PPP2R2A: variants seen among roughly 807,000 people sequenced by gnomAD.
PPP2R2A encodes serine/threonine-protein phosphatase 2A 55 kDa regulatory subunit B alpha isoform.
In PPP2R2A, 9 loss-of-function variants were observed where a neutral mutation model predicts 53.2. The observed-to-expected ratio is 0.17, with a 90% CI of 0.10 to 0.30. PPP2R2A has a LOEUF of 0.30. Among genes scored for constraint, PPP2R2A ranks in the 10% least tolerant of loss-of-function variants. The probability of loss-of-function intolerance (pLI) is 1.00; values close to 1 mark genes in which losing one functional copy is unlikely to be tolerated. For missense variants in PPP2R2A, 235 were observed against 534.6 expected (o/e 0.44, Z 5.53); for synonymous variants, 169 against 174.2 (o/e 0.97, Z 0.23).
Position 26,291,755 on chromosome 8 carries a change from A to T in PPP2R2A, c.-65A>T. The T allele has an allele frequency of 7.0e-7, 1 of 1,419,428 alleles. No individual in the cohort carries two copies. The highest frequency in any genetic ancestry group is 9.4e-7 in the Non-Finnish European group (1 of 1,060,466). The allele number at this position is 1,419,428 out of a possible 1,614,324, so 87.9% of individuals were successfully genotyped here. On this transcript the variant is annotated 5_prime_UTR_variant, in exon 1 of 10. Transcript: ENST00000380737. ...CTCTCTACCCCCCCATCCCCAGGTG[A>T]GGGGGGTGAGTTCAGGAAGCGGAGA...
intron 2 of PPP2R2A, among the ~76,000 whole-genome samples, chr8:26,314,527 G>T (rs1351038412): frequency 2.6e-5 from 4 of 152,130 alleles, no homozygotes; most frequent in African/African-American, 9.7e-5. Flanking sequence ...TTATGGGAAA[G>T]GTTTCATAGG....
intron 1 of PPP2R2A, chr8:26,293,196 G>A: frequency 1.3e-6 from 2 of 1,527,144 alleles, no homozygotes; most frequent in Non-Finnish European, 1.8e-6. Context: ...TGCTGTGTGT[G>A]CACTTTGGTG....
intron 9 of PPP2R2A, among the ~76,000 whole-genome samples, chr8:26,369,080 C>T (rs1585418970): frequency 6.6e-6 from 1 of 151,220 alleles, no homozygotes; most frequent in African/African-American, 2.4e-5. Flanking sequence ...TGCACTCCAG[C>T]CTGGGCAACA....
rs1804224 is a variant in PPP2R2A at position 26,370,703 on chromosome 8, T to A, written c.*290T>A. 1 of 397,280 alleles carries A rather than the reference T, an allele frequency of 2.5e-6. No homozygotes were observed. Among genetic ancestry groups the A allele is most frequent in the Non-Finnish European group, 4.7e-6 (1 of 214,442 alleles). 24.6% of individuals were successfully genotyped at this position (397,280 alleles called of 1,614,324 possible). A position where few individuals can be genotyped will look rare whatever the true frequency, so the allele number is the denominator to read the frequency against. Reference sequence around the variant, plus strand: ...TAGATTGGACTGTATCAACATTGATTTACTCCACTTTTTATGCCTTCCATT... The same window carrying A: ...TAGATTGGACTGTATCAACATTGATATACTCCACTTTTTATGCCTTCCATT... On this transcript the variant is annotated 3_prime_UTR_variant, in exon 10 of 10. Coordinates refer to ENST00000380737, the MANE Select transcript of PPP2R2A (RefSeq NM_002717.4). This position sits in a 1 kb window ranked among gnomAD's most constrained non-coding sequence, Gnocchi z 6.1.
intron 3 of PPP2R2A, among the ~76,000 whole-genome samples, chr8:26,349,298 T>C (rs752164094): frequency 2.0e-5 from 3 of 152,184 alleles, no homozygotes; most frequent in Non-Finnish European, 4.4e-5. Flanking sequence ...ATGTTGTACA[T>C]ATCACTTTGT....
rs1301365292 is a variant in PPP2R2A, at chr8:26,362,561, G to T, written c.638-123G>T. On this transcript the variant is annotated intron_variant, in intron 6 of 9. Transcript: ENST00000380737. The surrounding 1 kb of genome is among the most constrained non-coding windows in gnomAD (Gnocchi z 4.4). The stretch of plus-strand genomic sequence containing the variant: ...TTTGGAATTTATACTCATAAAAACA[G>T]TGGAGTGCAATTCAGAATTAATATT... 2 of 857,494 alleles carry T rather than the reference G, an allele frequency of 2.3e-6. No individual in the cohort carries two copies. The highest frequency in any genetic ancestry group is 3.4e-5 in the African/African-American group (2 of 58,320). The allele number at this position is 857,494 out of a possible 1,614,324, so 53.1% of individuals were successfully genotyped here.
At chr8:26,369,917 T>C (rs1189896805) in intron 9 of PPP2R2A, among the ~76,000 whole-genome samples, 1 of 152,206 alleles carries the variant, frequency 6.6e-6, no homozygotes, top group Non-Finnish European at 1.5e-5. Context: ...ACTTTGCTGA[T>C]AGTTTTGGTA....
chr8:26,334,044 A>G (rs1257170300), intron 2 of PPP2R2A, among the ~76,000 whole-genome samples: 2 of 152,222 alleles, frequency 1.3e-5, no homozygotes. Flanking sequence ...TGCCTTTTAA[A>G]TACTACCTTT....
chr8:26,329,727 A>G (rs1563301711), intron 2 of PPP2R2A, among the ~76,000 whole-genome samples: 1 of 152,150 alleles, frequency 6.6e-6, no homozygotes, highest in Non-Finnish European at 1.5e-5. Flanking sequence ...AAGCCTACAA[A>G]CTGTTTTACT....
intron 3 of PPP2R2A, among the ~76,000 whole-genome samples, chr8:26,352,433 C>G (rs1388913337): frequency 6.6e-6 from 1 of 152,176 alleles, no homozygotes; most frequent in East Asian, 1.9e-4. Flanking sequence ...ATAGCCTCTT[C>G]AGTTTTGTTA....
intron 2 of PPP2R2A, among the ~76,000 whole-genome samples, chr8:26,319,844 T>C (rs1263375996): frequency 1.3e-5 from 2 of 152,200 alleles, no homozygotes; most frequent in Non-Finnish European, 2.9e-5. Flanking sequence ...TTAGCAGTGT[T>C]TTGTAGTTTT....
In PPP2R2A at chr8:26,372,295, G is replaced by A. The variant is rs1209541383; in HGVS notation, c.*1882G>A. ...TTCTTCACGCTTGACTTGCAAGTGG[G>A]ATATTCCCCTGCCACAAGTGTCAAA... On this transcript the variant is annotated 3_prime_UTR_variant, in exon 10 of 10. Coordinates refer to ENST00000380737, the MANE Select transcript of PPP2R2A (RefSeq NM_002717.4). 6.6e-6 allele frequency: 1 copy of A among 152,178 alleles called. No homozygotes were observed. The highest frequency in any genetic ancestry group is 1.5e-5 in the Non-Finnish European group (1 of 68,034). 9.4% of individuals were successfully genotyped at this position (152,178 alleles called of 1,614,324 possible).
At chr8:26,305,043 A>C (rs1801953323) in intron 2 of PPP2R2A, among the ~76,000 whole-genome samples, 1 of 152,118 alleles carries the variant, frequency 6.6e-6, no homozygotes, top group Admixed American at 6.5e-5. Context: ...GTCTTGCAAA[A>C]CTGAAACTCT....
chr8:26,368,770 A>G (rs899403997), intron 9 of PPP2R2A, among the ~76,000 whole-genome samples: 1 of 152,146 alleles, frequency 6.6e-6, no homozygotes, highest in Non-Finnish European at 1.5e-5. Flanking sequence ...TTGTGCCACC[A>G]CATTTCAACC....
At position 26,371,068 on chromosome 8, in the gene PPP2R2A, C is replaced by T. The variant is rs1056766940; in HGVS notation, c.*655C>T. On this transcript the variant is annotated 3_prime_UTR_variant, in exon 10 of 10. Coordinates refer to ENST00000380737, the MANE Select transcript of PPP2R2A (RefSeq NM_002717.4). Reference sequence around the variant, plus strand: ...ACAGTTGGCTGTAATCACTCCTCGCCGTGTCTGGCACTGAAAATAAGGAAA... The same window carrying T: ...ACAGTTGGCTGTAATCACTCCTCGCTGTGTCTGGCACTGAAAATAAGGAAA... 2 of 152,498 alleles carry T rather than the reference C, an allele frequency of 1.3e-5. No individual in the cohort carries two copies. Among genetic ancestry groups the T allele is most frequent in the Admixed American group, 1.3e-4 (2 of 15,274 alleles). The allele number at this position is 152,498 out of a possible 1,614,324, so 9.4% of individuals were successfully genotyped here. A position where few individuals can be genotyped will look rare whatever the true frequency, so the allele number is the denominator to read the frequency against.
At chr8:26,364,919 G>C (rs1026618234) in intron 8 of PPP2R2A, among the ~76,000 whole-genome samples, 9 of 152,198 alleles carry the variant, frequency 5.9e-5, no homozygotes, top group African/African-American at 1.7e-4. Context: ...GCTAACTGCA[G>C]ATTTGGGTAT....
chr8:26,341,165 TGATA>T (rs1219830150), intron 3 of PPP2R2A, among the ~76,000 whole-genome samples: 10 of 152,300 alleles, frequency 6.6e-5, no homozygotes, highest in African/African-American at 2.4e-4. Context: ...TGTTTTTAAG[TGATA>T]GATTAAGTAA....
chr8:26,313,706 G>C (rs1159042144), intron 2 of PPP2R2A, among the ~76,000 whole-genome samples: 1 of 152,146 alleles, frequency 6.6e-6, no homozygotes, highest in African/African-American at 2.4e-5. Context: ...ATCAAAGGAG[G>C]AAGCAAGAGA....
intron 2 of PPP2R2A, chr8:26,298,522 T>G (rs1801641454): frequency 6.6e-6 from 1 of 152,276 alleles, no homozygotes. Context: ...TATGATTAAA[T>G]TGGACGTCAG....
Sources: allele counts gnomAD v4.1 joint callset (sites outside exome capture counted in the v4.1 genomes callset), GRCh38; gene constraint gnomAD v4.1.1; non-coding constraint Gnocchi (gnomAD v3.1); transcripts MANE v1.5; gene names NCBI Gene and HGNC (gene_info 2026-07-23, HGNC 2026-07-21).